DKK4: variants seen among roughly 807,000 people sequenced by gnomAD.
The protein encoded by DKK4 is dickkopf-related protein 4.
DKK4 carries 15 observed loss-of-function variants against 14.5 expected under a neutral mutation model. The observed-to-expected ratio is 1.03, with a 90% CI of 0.69 to 1.59. DKK4 has a LOEUF of 1.59. Ranked by LOEUF, DKK4 falls within the 40% of genes most tolerant of loss-of-function variation. DKK4 has a pLI of 0.00. For missense variants in DKK4, 272 were observed against 280.3 expected, an observed-to-expected ratio of 0.97 and a Z score of 0.21; for synonymous variants, 89 against 105.2, an observed-to-expected ratio of 0.85 and a Z score of 0.94.
chr8:42,376,414 T>C (rs894031297), intron 1 of DKK4, among the ~76,000 whole-genome samples: 2 of 152,236 alleles, frequency 1.3e-5, no homozygotes, highest in African/African-American at 4.8e-5. Flanking sequence ...ATCTATACGA[T>C]ATATAATAAC....
the DKK4 span, among the ~76,000 whole-genome samples, chr8:42,383,255 G>A: frequency 1.3e-5 from 2 of 152,196 alleles, no homozygotes. Context: ...GGGAGTGAAG[G>A]GCAGCACCCA....
At chr8:42,385,169 A>G in the DKK4 span, among the ~76,000 whole-genome samples, 1 of 152,262 alleles carries the variant, frequency 6.6e-6, no homozygotes, top group Non-Finnish European at 1.5e-5. Flanking sequence ...AGGCAGGAGG[A>G]TTGCTTGAGC....
the DKK4 span, among the ~76,000 whole-genome samples, chr8:42,383,997 G>A: frequency 6.6e-6 from 1 of 152,172 alleles, no homozygotes; most frequent in South Asian, 2.1e-4. Flanking sequence ...GGTCCTAAGG[G>A]CCACACCCCC....
the DKK4 span, among the ~76,000 whole-genome samples, chr8:42,385,070 T>C: frequency 1.3e-5 from 2 of 152,176 alleles, no homozygotes; most frequent in Admixed American, 6.5e-5. Context: ...GGTTTCTCCA[T>C]AAAACAACTT....
the DKK4 span, among the ~76,000 whole-genome samples, chr8:42,389,873 C>T: frequency 6.6e-6 from 1 of 151,876 alleles, no homozygotes. Flanking sequence ...TTCTGCATAA[C>T]CAACGTACAC....
At chr8:42,389,653 CTT>C in the DKK4 span, among the ~76,000 whole-genome samples, 5 of 152,116 alleles carry the variant, frequency 3.3e-5, no homozygotes, top group African/African-American at 1.2e-4. Flanking sequence ...CTTTTTGTCT[CTT>C]TTTATTTCAA....
rs756230870 is a variant in DKK4 at position 42,376,958 on chromosome 8, C to T, written c.88G>A (p.Ala30Thr). 51 of 1,613,850 alleles carry T rather than the reference C, an allele frequency of 3.2e-5. No individual in the cohort carries two copies. Among genetic ancestry groups the T allele is most frequent in the Non-Finnish European group, 4.2e-5 (50 of 1,180,012 alleles). Residue 30 changes from alanine (A) to threonine (T), a missense_variant, in exon 1 of 4, where the codon GCT becomes ACT. Coordinates refer to ENST00000220812, the MANE Select transcript of DKK4 (RefSeq NM_014420.3). Reference sequence around the variant, plus strand: ...ACCTTCCGGGCCCCATGCAGGTCAGCAGAGCTCCTGATGTTGTTGAAGTCC... The same window carrying T: ...ACCTTCCGGGCCCCATGCAGGTCAGTAGAGCTCCTGATGTTGTTGAAGTCC... ...VLDFNNIRSSADLHGARKGSQ... is the reference protein window; with the variant it reads ...VLDFNNIRSSTDLHGARKGSQ...
At chr8:42,378,275 T>C (rs1239519554), upstream of DKK4, among the ~76,000 whole-genome samples, 1 of 152,218 alleles carries the variant, frequency 6.6e-6, no homozygotes, top group East Asian at 1.9e-4. Flanking sequence ...TTCTATGCCA[T>C]AAATGATAAT....
At chr8:42,386,921 G>A in the DKK4 span, among the ~76,000 whole-genome samples, 2 of 152,188 alleles carry the variant, frequency 1.3e-5, no homozygotes, top group Non-Finnish European at 2.9e-5. Flanking sequence ...CAATCTCTGA[G>A]AGTAAAACTA....
At chr8:42,387,208 G>T in the DKK4 span, among the ~76,000 whole-genome samples, 1 of 150,196 alleles carries the variant, frequency 6.7e-6, no homozygotes, top group African/African-American at 2.5e-5. Flanking sequence ...GAATGCCATG[G>T]GTATTGGTAT....
At chr8:42,387,742 G>A in the DKK4 span, among the ~76,000 whole-genome samples, 1 of 152,162 alleles carries the variant, frequency 6.6e-6, no homozygotes, top group African/African-American at 2.4e-5. Context: ...AGGAAGCAAA[G>A]GATGGATCCT....
the DKK4 span, among the ~76,000 whole-genome samples, chr8:42,391,147 T>C: frequency 6.6e-6 from 1 of 152,132 alleles, no homozygotes; most frequent in Non-Finnish European, 1.5e-5. Context: ...AATCAATCAC[T>C]TACTCCCTGG....
chr8:42,379,896 G>A (rs1824639562), upstream of DKK4, among the ~76,000 whole-genome samples: 1 of 152,158 alleles, frequency 6.6e-6, no homozygotes, highest in Admixed American at 6.5e-5. Context: ...AAAGTCATTG[G>A]AGATATATCA....
Position 42,375,402 on chromosome 8 carries a change from C to T in DKK4, c.262+278G>A, listed in dbSNP as rs188876182. ...CTAAAAATAACAAAAATTAGCCGGG[C>T]ATGGTGGTACATGCCTGTAGTCCTA... On this transcript the variant is annotated intron_variant, in intron 2 of 3. Transcript: ENST00000220812. Among the ~76,000 whole-genome samples the T allele has an allele frequency of 2.0e-3, 301 of 151,744 alleles. 3 individuals carry two copies. In the Middle Eastern group the frequency reaches 0.024, roughly 12 times the overall value.
At chr8:42,385,873 G>A in the DKK4 span, among the ~76,000 whole-genome samples, 2 of 152,162 alleles carry the variant, frequency 1.3e-5, no homozygotes, top group Non-Finnish European at 2.9e-5. Context: ...ATTGAAGTCA[G>A]ATATCTAGAA....
rs761022029 is a variant in DKK4, at chr8:42,377,057, G to A, written c.-12C>T. On this transcript the variant is annotated 5_prime_UTR_variant, in exon 1 of 4. Coordinates refer to ENST00000220812, the MANE Select transcript of DKK4 (RefSeq NM_014420.3). Reference sequence around the variant, plus strand: ...ACGGCCGCCACCATCCTTCAATCCCGGGGCTCCTGGAGGGTCCCAGCACTG... The same window carrying A: ...ACGGCCGCCACCATCCTTCAATCCCAGGGCTCCTGGAGGGTCCCAGCACTG... The A allele has an allele frequency of 1.4e-5, 22 of 1,609,464 alleles. No individual in the cohort carries two copies. The Admixed American group carries it at 1.5e-4, about 11-fold the overall frequency.
chr8:42,376,897 G>A, intron 1 of DKK4, 38 bp downstream of exon 1: 1 of 1,534,096 alleles, frequency 6.5e-7, no homozygotes, highest in Non-Finnish European at 9.0e-7. Context: ...CCAGCTGTCA[G>A]CAGTCCCGTA....
chr8:42,380,310 G>T (rs1052372514), upstream of DKK4, among the ~76,000 whole-genome samples: 1 of 151,794 alleles, frequency 6.6e-6, no homozygotes, highest in African/African-American at 2.4e-5. Context: ...GGGTGACAGA[G>T]CGAGACCCTG....
chr8:42,379,053 C>A (rs923095209), upstream of DKK4, among the ~76,000 whole-genome samples: 4 of 150,762 alleles, frequency 2.7e-5, no homozygotes, highest in Non-Finnish European at 4.4e-5. Context: ...GAGTTCGAGA[C>A]CAGCCTGGCC....
Sources: gnomAD v4.1 joint callset for allele counts (sites outside exome capture counted in the v4.1 genomes callset) on GRCh38, gnomAD v4.1.1 for gene constraint, MANE v1.5 for transcripts, NCBI Gene and HGNC (gene_info 2026-07-23, HGNC 2026-07-21) for gene names.